The following EFCAB13 variants were observed in gnomAD, a reference collection of about 807,000 sequenced individuals.
EFCAB13 encodes the protein EF-hand calcium binding domain 13, also known as EF-hand calcium-binding domain-containing protein 13.
Under a neutral mutation model 110.2 loss-of-function variants are expected in EFCAB13, and 91 were observed. The observed-to-expected ratio is 0.83, with a 90% confidence interval of 0.70 to 0.98. The LOEUF is 0.98. Among genes scored for constraint, EFCAB13 ranks in the 50% least tolerant of loss-of-function variants. The pLI, the probability that EFCAB13 is intolerant of heterozygous loss-of-function variation, is 0.00. For missense variants in EFCAB13, 968 were observed against 1,119.4 expected, an observed-to-expected ratio of 0.86 and a Z score of 1.93; for synonymous variants, 323 against 369.9, an observed-to-expected ratio of 0.87 and a Z score of 1.45.
intron 23 of EFCAB13, among the ~76,000 whole-genome samples, chr17:47,415,483 AATAAT>A (rs1436896192): frequency 1.4e-4 from 21 of 152,298 alleles, no homozygotes; most frequent in African/African-American, 4.6e-4. Context: ...GTATAGTATA[AATAAT>A]ATAATATAAA....
chr17:47,375,735 T>C (rs1197993340), intron 12 of EFCAB13, among the ~76,000 whole-genome samples: 3 of 152,226 alleles, frequency 2.0e-5, no homozygotes, highest in African/African-American at 7.2e-5. Flanking sequence ...TAATATTTCC[T>C]AGAAAGTAGA....
intron 14 of EFCAB13, among the ~76,000 whole-genome samples, chr17:47,386,276 G>A (rs2065675651): frequency 6.6e-6 from 1 of 152,196 alleles, no homozygotes; most frequent in African/African-American, 2.4e-5. Context: ...CGCTGGTCCA[G>A]TGAGATGGGA....
intron 9 of EFCAB13, 33 bp downstream of exon 9, chr17:47,347,984 G>A (rs769703753): frequency 1.5e-6 from 2 of 1,357,930 alleles, no homozygotes; most frequent in Non-Finnish European, 1.9e-6. Context: ...TAGTTTAAGG[G>A]TCTGCAATCA....
intron 10 of EFCAB13, among the ~76,000 whole-genome samples, chr17:47,365,852 A>C (rs1241076137): frequency 6.6e-6 from 1 of 152,166 alleles, no homozygotes; most frequent in Non-Finnish European, 1.5e-5. Flanking sequence ...TAAAAAGAGC[A>C]CAAGTGACTC....
At chr17:47,397,914 G>A (rs1375462003) in intron 17 of EFCAB13, among the ~76,000 whole-genome samples, 5 of 151,752 alleles carry the variant, frequency 3.3e-5, no homozygotes, top group Admixed American at 2.6e-4. Flanking sequence ...CATCCGGGAG[G>A]GAGGTGGGGG....
chr17:47,415,009 T>G, intron 23 of EFCAB13, 90 bp downstream of exon 23: 1 of 928,182 alleles, frequency 1.1e-6, no homozygotes, highest in Non-Finnish European at 1.6e-6. Context: ...AGTGATAGAC[T>G]GGATTAAGAA....
intron 5 of EFCAB13, among the ~76,000 whole-genome samples, chr17:47,339,699 CAAAAA>C (rs60578114): frequency 1.3e-5 from 1 of 77,358 alleles, no homozygotes; most frequent in Non-Finnish European, 2.7e-5. Context: ...GACTCCATCT[CAAAAA>C]AAAAAAAAAA....
intron 3 of EFCAB13, 94 bp downstream of exon 3, chr17:47,326,481 T>A (rs995138781): frequency 1.3e-4 from 20 of 152,350 alleles, no homozygotes; most frequent in African/African-American, 4.3e-4. Flanking sequence ...CCTCTACTCT[T>A]TCCTTCATTA....
intron 9 of EFCAB13, among the ~76,000 whole-genome samples, chr17:47,358,896 G>A (rs1035978594): frequency 3.3e-5 from 5 of 152,132 alleles, no homozygotes; most frequent in South Asian, 2.1e-4. Context: ...GAAATTCCTC[G>A]GATAGCTGCA....
chr17:47,403,451 T>C (rs1196972391), intron 18 of EFCAB13, among the ~76,000 whole-genome samples: 1 of 152,164 alleles, frequency 6.6e-6, no homozygotes, highest in East Asian at 1.9e-4. Context: ...TTCCAGACAC[T>C]AGGGTACAAT....
At chr17:47,390,065 G>C (rs1449318180) in intron 14 of EFCAB13, among the ~76,000 whole-genome samples, 1 of 152,130 alleles carries the variant, frequency 6.6e-6, no homozygotes, top group African/African-American at 2.4e-5. Context: ...ATGATTTCCA[G>C]TGACTACTTA....
intron 9 of EFCAB13, among the ~76,000 whole-genome samples, chr17:47,359,903 A>G (rs886943349): frequency 6.7e-6 from 1 of 149,368 alleles, no homozygotes; most frequent in African/African-American, 2.5e-5. Context: ...GCGATAGTTT[A>G]CTGAGAATGA....
At position 47,324,038 on chromosome 17, in the gene EFCAB13, G is replaced by C. The variant is rs1404308421; in HGVS notation, c.-354G>C. On this transcript the variant is annotated 5_prime_UTR_variant, in exon 1 of 25. Transcript: ENST00000331493. ...GGGGCTGACCACAGAGAGCGCGGGG[G>C]CCTCCAGCCGAGAGGAAGGGAGGGC... 4 of 152,768 alleles carry C rather than the reference G, an allele frequency of 2.6e-5. No homozygotes were observed. Among genetic ancestry groups the C allele is most frequent in the Non-Finnish European group, 4.4e-5 (3 of 68,562 alleles). The allele number at this position is 152,768 out of a possible 1,614,324, so 9.5% of individuals were successfully genotyped here.
chr17:47,335,580 T>C (rs1163884550), intron 5 of EFCAB13, among the ~76,000 whole-genome samples: 3 of 152,200 alleles, frequency 2.0e-5, no homozygotes, highest in African/African-American at 7.2e-5. Context: ...GTTGTCTAAG[T>C]TGGTTCTCAC....
At chr17:47,351,318 C>CAT (rs1157477894) in intron 9 of EFCAB13, among the ~76,000 whole-genome samples, 2 of 34,234 alleles carry the variant, frequency 5.8e-5, no homozygotes, top group African/African-American at 8.9e-5. Flanking sequence ...CGCGCGCGCG[C>CAT]GCGCGCGCGC....
chr17:47,400,092 C>T (rs1037750828), intron 17 of EFCAB13, among the ~76,000 whole-genome samples: 2 of 152,210 alleles, frequency 1.3e-5, no homozygotes, highest in African/African-American at 4.8e-5. Flanking sequence ...GATTTTTAAA[C>T]TTAAACTGAT....
At chr17:47,344,359 CATTT>C (rs2065403393) in intron 7 of EFCAB13, 67 bp downstream of exon 7, 2 of 1,523,796 alleles carry the variant, frequency 1.3e-6, no homozygotes, top group African/African-American at 2.8e-5. Flanking sequence ...TCTCCAGAAT[CATTT>C]ATCCCTTCCA....
intron 14 of EFCAB13, among the ~76,000 whole-genome samples, chr17:47,383,690 T>C: frequency 6.6e-6 from 1 of 152,218 alleles, no homozygotes; most frequent in East Asian, 1.9e-4. Context: ...AGTATTTTGC[T>C]TCCAATTATG....
intron 3 of EFCAB13, chr17:47,327,946 A>C: frequency 3.4e-6 from 1 of 291,230 alleles, no homozygotes; most frequent in Non-Finnish European, 6.3e-6. Flanking sequence ...ATTCAGTAAC[A>C]TGAGTGATTA....
Sources: allele counts gnomAD v4.1 joint callset (sites outside exome capture counted in the v4.1 genomes callset), GRCh38; gene constraint gnomAD v4.1.1; transcripts MANE v1.5; gene names NCBI Gene and HGNC (gene_info 2026-07-23, HGNC 2026-07-21).